Variants in UMAD1 observed in about 807,000 individuals in gnomAD.
The protein encoded by UMAD1 is UBAP1-MVB12-associated (UMA)-domain containing protein 1.
In UMAD1, 8 loss-of-function variants were observed where a neutral mutation model predicts 6.1. The ratio of observed to expected loss-of-function variants is 1.30; its 90% CI spans 0.76 to 2.35. UMAD1 has a LOEUF of 2.35. Among genes scored for constraint, UMAD1 ranks in the 30% most tolerant of loss-of-function variants. UMAD1 has a pLI of 0.00. For missense variants in UMAD1, 130 were observed against 78.4 expected (o/e 1.66, Z -2.49); for synonymous variants, 56 against 31.4 (o/e 1.78, Z -2.61).
chr7:7,808,594 A>T (rs1782964510), intron 3 of UMAD1, among the ~76,000 whole-genome samples: 2 of 151,942 alleles, frequency 1.3e-5, no homozygotes, highest in African/African-American at 4.8e-5. Context: ...GTTTTAGCAG[A>T]TATTTTTAGG....
intron 2 of UMAD1, among the ~76,000 whole-genome samples, chr7:7,772,776 T>A (rs955088440): frequency 6.6e-6 from 1 of 152,226 alleles, no homozygotes; most frequent in African/African-American, 2.4e-5. Context: ...AATCGAGAAC[T>A]TTAGATGGTA....
At chr7:7,845,406 A>G in intron 3 of UMAD1, among the ~76,000 whole-genome samples, 1 of 152,080 alleles carries the variant, frequency 6.6e-6, no homozygotes, top group East Asian at 1.9e-4. Flanking sequence ...AGGAAACCTC[A>G]TAGAATTTAG....
intron 2 of UMAD1, among the ~76,000 whole-genome samples, chr7:7,747,432 A>T (rs1367846279): frequency 6.6e-6 from 1 of 152,168 alleles, no homozygotes; most frequent in Non-Finnish European, 1.5e-5. Context: ...TGGTTCATGG[A>T]TGAGGAAAAC....
intron 3 of UMAD1, among the ~76,000 whole-genome samples, chr7:7,852,970 G>T (rs1252444798): frequency 1.3e-5 from 2 of 152,144 alleles, no homozygotes; most frequent in Non-Finnish European, 2.9e-5. Context: ...CTGGAATGAG[G>T]GTCGTATAGC....
chr7:7,806,268 C>A (rs1007063466), intron 3 of UMAD1, among the ~76,000 whole-genome samples: 3 of 150,866 alleles, frequency 2.0e-5, no homozygotes, highest in African/African-American at 7.3e-5. Flanking sequence ...CTTCCCCCCT[C>A]TAAAATCCCT....
chr7:7,708,695 T>A (rs1224932132), intron 2 of UMAD1, among the ~76,000 whole-genome samples: 1 of 152,194 alleles, frequency 6.6e-6, no homozygotes, highest in Non-Finnish European at 1.5e-5. Context: ...TAAAATTATA[T>A]TTTATAATTA....
chr7:7,761,014 G>A (rs953870429), intron 2 of UMAD1, among the ~76,000 whole-genome samples: 1 of 152,134 alleles, frequency 6.6e-6, no homozygotes, highest in African/African-American at 2.4e-5. Context: ...AAAATAGATA[G>A]GAAATACTGT....
intron 2 of UMAD1, among the ~76,000 whole-genome samples, chr7:7,754,834 C>G (rs774349359): frequency 6.6e-6 from 1 of 152,112 alleles, no homozygotes; most frequent in Non-Finnish European, 1.5e-5. Flanking sequence ...TGTGTATATA[C>G]ATATTTTTTT....
intron 1 of UMAD1, among the ~76,000 whole-genome samples, chr7:7,649,957 C>T (rs1410713509): frequency 6.6e-6 from 1 of 152,216 alleles, no homozygotes; most frequent in Non-Finnish European, 1.5e-5. Flanking sequence ...ACTGAATATA[C>T]TGGAGCTTTG....
At chr7:7,711,010 A>C (rs938793498) in intron 2 of UMAD1, among the ~76,000 whole-genome samples, 1 of 152,162 alleles carries the variant, frequency 6.6e-6, no homozygotes, top group African/African-American at 2.4e-5. Context: ...AAAAATAGAG[A>C]AATCATTGGT....
intron 3 of UMAD1, among the ~76,000 whole-genome samples, chr7:7,831,456 A>T (rs1251071106): frequency 6.6e-6 from 1 of 152,196 alleles, no homozygotes; most frequent in Non-Finnish European, 1.5e-5. Context: ...GGTACCTTTC[A>T]ATGAAAGAAG....
In UMAD1 at chr7:7,646,295, C is replaced by T. The variant is rs545223509; in HGVS notation, c.-64+5474C>T. On this transcript the variant is annotated intron_variant, in intron 1 of 3. Transcript: ENST00000682710. ...GGTGGCTCTCAGTGGGATGGTGATACGGTTTGGCTGTGCCCCACTCAAATC... is the reference window on the plus strand; with the variant it reads ...GGTGGCTCTCAGTGGGATGGTGATATGGTTTGGCTGTGCCCCACTCAAATC... Among the ~76,000 whole-genome samples, 16 of 91,014 alleles carry T rather than the reference C, an allele frequency of 1.8e-4. No homozygotes were observed. In the East Asian group the frequency reaches 9.1e-3, roughly 52 times the overall value. The allele number at this position is 91,014 out of a possible 152,430, so 59.7% of individuals were successfully genotyped here.
chr7:7,737,506 G>C (rs6971274), intron 2 of UMAD1, among the ~76,000 whole-genome samples: 12,452 of 152,158 alleles, frequency 0.082, 580 homozygotes, highest in African/African-American at 0.13. Context: ...CATGTTGTAG[G>C]ATTAAAAGCC....
intron 2 of UMAD1, among the ~76,000 whole-genome samples, chr7:7,678,475 A>G (rs1779807080): frequency 1.4e-5 from 2 of 142,168 alleles, no homozygotes; most frequent in African/African-American, 5.1e-5. Flanking sequence ...ATATTTATAT[A>G]TTTAATTTAT....
At chr7:7,683,271 T>A (rs1779957286) in intron 2 of UMAD1, among the ~76,000 whole-genome samples, 1 of 152,174 alleles carries the variant, frequency 6.6e-6, no homozygotes, top group Non-Finnish European at 1.5e-5. Context: ...AAAAAAATAC[T>A]GGTGCTGGGA....
At chr7:7,805,392 C>G (rs1782891757) in intron 3 of UMAD1, among the ~76,000 whole-genome samples, 1 of 152,158 alleles carries the variant, frequency 6.6e-6, no homozygotes, top group Non-Finnish European at 1.5e-5. Context: ...TTCCCTCACA[C>G]TGCACATCCA....
At chr7:7,860,780 A>AC (rs1420619497) in intron 3 of UMAD1, among the ~76,000 whole-genome samples, 1 of 73,914 alleles carries the variant, frequency 1.4e-5, no homozygotes, top group Non-Finnish European at 2.8e-5. Flanking sequence ...ATCTCAAAAA[A>AC]AAAAAAAATA....
intron 2 of UMAD1, among the ~76,000 whole-genome samples, chr7:7,797,497 G>A (rs1302322614): frequency 1.3e-5 from 2 of 152,046 alleles, no homozygotes; most frequent in Non-Finnish European, 2.9e-5. Context: ...CCTCCTCTGG[G>A]TGACCTAAGT....
chr7:7,702,957 C>T (rs1022908845), intron 2 of UMAD1, among the ~76,000 whole-genome samples: 1 of 152,208 alleles, frequency 6.6e-6, no homozygotes, highest in African/African-American at 2.4e-5. Context: ...TTCTCCAGTC[C>T]TGTTGTCGTG....
Sources: gnomAD v4.1 joint callset for allele counts (sites outside exome capture counted in the v4.1 genomes callset) on GRCh38, gnomAD v4.1.1 for gene constraint, MANE v1.5 for transcripts, NCBI Gene and HGNC (gene_info 2026-07-23, HGNC 2026-07-21) for gene names.